The following STX17 variants were observed in gnomAD, a reference collection of about 807,000 sequenced individuals.
The protein encoded by STX17 is syntaxin-17.
A neutral mutation model predicts 35.9 loss-of-function variants in STX17; 29 were observed. The ratio of observed to expected loss-of-function variants is 0.81; its 90% CI spans 0.60 to 1.10. STX17 has a LOEUF of 1.10. Among genes scored for constraint, STX17 ranks in the 50% least tolerant of loss-of-function variants. The probability of loss-of-function intolerance (pLI) is 0.00; values close to 1 mark genes in which losing one functional copy is unlikely to be tolerated. For missense variants in STX17, 312 were observed against 352.3 expected (o/e 0.89, Z 0.92); for synonymous variants, 92 against 118.3 (o/e 0.78, Z 1.44).
At chr9:99,909,080 A>G (rs755133266) in intron 1 of STX17, among the ~76,000 whole-genome samples, 23 of 152,240 alleles carry the variant, frequency 1.5e-4, no homozygotes, top group Non-Finnish European at 2.8e-4. Context: ...TAATTTCAGG[A>G]TTTCTGACCT....
chr9:99,947,309 A>C (rs1829504681), intron 3 of STX17, among the ~76,000 whole-genome samples: 1 of 152,090 alleles, frequency 6.6e-6, no homozygotes, highest in African/African-American at 2.4e-5. Context: ...TATAGTTTCC[A>C]ATTGTCTGCT....
At chr9:99,945,845 G>A (rs771653950) in intron 3 of STX17, 52 of 256,596 alleles carry the variant, frequency 2.0e-4, no homozygotes, top group South Asian at 1.8e-4. Context: ...ACTTTGGGAG[G>A]CTGAGGTGGG....
rs1347102414 is a variant in STX17 at position 99,972,286 on chromosome 9, T to C, written c.*3613T>C. 6.6e-6 allele frequency among the ~76,000 whole-genome samples: 1 copy of C among 152,256 alleles called. No individual in the cohort carries two copies. The highest frequency in any genetic ancestry group is 1.5e-5 in the Non-Finnish European group (1 of 68,048). On this transcript the variant is annotated 3_prime_UTR_variant, in exon 8 of 8. Coordinates refer to ENST00000259400, the MANE Select transcript of STX17 (RefSeq NM_017919.3). ...TTTTGTGTAATTTAAAAATAAACTT[T>C]AATGCTTTTTAAAACAAATTTATCA...
At chr9:99,937,074 G>C (rs1210666354) in intron 3 of STX17, among the ~76,000 whole-genome samples, 1 of 152,134 alleles carries the variant, frequency 6.6e-6, no homozygotes, top group Admixed American at 6.5e-5. Flanking sequence ...GTACTTTAAA[G>C]ATGTTCAGCT....
rs190387629 is a variant in STX17, at chr9:99,915,220, T to A, written c.-20T>A. On this transcript the variant is annotated 5_prime_UTR_variant, in exon 2 of 8. Coordinates refer to ENST00000259400, the MANE Select transcript of STX17 (RefSeq NM_017919.3). ...GAGAAGACAGCTGTTACCAGGGAGG[T>A]CATACAACATTTTTTTAGGATGTCT... is the stretch of plus-strand genomic sequence containing the variant. 2,804 of 1,605,036 alleles carry A rather than the reference T, an allele frequency of 1.7e-3. 22 individuals are homozygous for A. In the Middle Eastern group the frequency reaches 0.023, roughly 13 times the overall value.
At chr9:99,967,269 G>C (rs1385935202) in intron 6 of STX17, 1 of 169,056 alleles carries the variant, frequency 5.9e-6, no homozygotes, top group African/African-American at 2.4e-5. Context: ...AAGTTAGGGA[G>C]GTATTTTGGG....
intron 7 of STX17, 28 bp downstream of exon 7, chr9:99,967,767 A>G: frequency 6.3e-7 from 1 of 1,596,230 alleles, no homozygotes; most frequent in Non-Finnish European, 8.6e-7. Context: ...CTGACAAATC[A>G]ATGGTACTCT....
intron 3 of STX17, among the ~76,000 whole-genome samples, chr9:99,944,127 A>G (rs1426760665): frequency 6.6e-6 from 1 of 151,688 alleles, no homozygotes; most frequent in Admixed American, 6.6e-5. Context: ...TTATTTTTTA[A>G]TTCTGCAAGA....
intron 3 of STX17, among the ~76,000 whole-genome samples, chr9:99,931,259 G>T (rs1030598477): frequency 2.0e-5 from 3 of 152,146 alleles, no homozygotes; most frequent in Non-Finnish European, 2.9e-5. Context: ...GATTACAGGC[G>T]TGAGCTACTG....
At chr9:99,920,632 T>C (rs1587913772) in intron 2 of STX17, among the ~76,000 whole-genome samples, 1 of 152,206 alleles carries the variant, frequency 6.6e-6, no homozygotes. Context: ...ACTACCTCTC[T>C]AGTGCCACCA....
chr9:99,959,766 A>G, intron 4 of STX17, 151 bp from the exon 5 acceptor site: 1 of 677,494 alleles, frequency 1.5e-6, no homozygotes, highest in Non-Finnish European at 2.5e-6. Context: ...CAGCCAAACA[A>G]TTCTATTTTT....
intron 1 of STX17, among the ~76,000 whole-genome samples, chr9:99,910,936 T>G (rs1828648258): frequency 1.3e-5 from 2 of 152,132 alleles, no homozygotes. Context: ...GGCTTCTAAT[T>G]TCTGGGCTCA....
chr9:99,935,045 T>C (rs1311275171), intron 3 of STX17, among the ~76,000 whole-genome samples: 5 of 152,024 alleles, frequency 3.3e-5, no homozygotes, highest in Non-Finnish European at 7.4e-5. Flanking sequence ...TTATTAAAAG[T>C]GTAGGCTGGG....
intron 6 of STX17, among the ~76,000 whole-genome samples, chr9:99,965,981 C>T (rs145154394): frequency 1.3e-5 from 2 of 152,132 alleles, no homozygotes; most frequent in East Asian, 3.8e-4. Context: ...CACATAGTGG[C>T]GTTTGCTGAG....
At chr9:99,938,289 A>C (rs1253375318) in intron 3 of STX17, among the ~76,000 whole-genome samples, 1 of 152,190 alleles carries the variant, frequency 6.6e-6, no homozygotes, top group Non-Finnish European at 1.5e-5. Context: ...TTAAATGAAC[A>C]GTGCTCACCT....
intron 2 of STX17, among the ~76,000 whole-genome samples, chr9:99,927,191 A>G (rs764740529): frequency 2.0e-5 from 3 of 152,304 alleles, no homozygotes; most frequent in Non-Finnish European, 4.4e-5. Flanking sequence ...CTTGGCATCT[A>G]CACATTCTCA....
intron 2 of STX17, among the ~76,000 whole-genome samples, chr9:99,927,389 T>C (rs1829007549): frequency 6.6e-6 from 1 of 152,236 alleles, no homozygotes; most frequent in Non-Finnish European, 1.5e-5. Flanking sequence ...ATTTTTCTTA[T>C]AAATGAAAGT....
At chr9:99,940,383 C>T (rs181789000) in intron 3 of STX17, among the ~76,000 whole-genome samples, 334 of 151,812 alleles carry the variant, frequency 2.2e-3, no homozygotes, top group African/African-American at 7.0e-3. Flanking sequence ...CCGCCCGCGT[C>T]GGCCTCCCAA....
At position 99,973,500 on chromosome 9, in the gene STX17, CAG is replaced by C. The variant is rs1830052701; in HGVS notation, c.*4828_*4829del. ...TCTCTTGTAGCAGGATTTTTTAAAT[CAG>C]GGGCAGCTCTCTTCTCCCATCCCAG... On this transcript the variant is annotated 3_prime_UTR_variant, in exon 8 of 8. Transcript: ENST00000259400. 6.6e-6 allele frequency among the ~76,000 whole-genome samples: 1 copy of C among 152,134 alleles called. No individual in the cohort carries two copies. The highest frequency in any genetic ancestry group is 1.5e-5 in the Non-Finnish European group (1 of 68,002).
Sources: gnomAD v4.1 joint callset for allele counts (sites outside exome capture counted in the v4.1 genomes callset) on GRCh38, gnomAD v4.1.1 for gene constraint, MANE v1.5 for transcripts, NCBI Gene and HGNC (gene_info 2026-07-23, HGNC 2026-07-21) for gene names.